Variants in FER1L6 observed in about 807,000 individuals in gnomAD.
FER1L6 encodes the protein fer-1 like family member 6, also known as fer-1-like protein 6.
FER1L6 carries 177 observed loss-of-function variants against 219.2 expected under a neutral mutation model. The ratio of observed to expected loss-of-function variants is 0.81; its 90% CI spans 0.71 to 0.91. The LOEUF (loss-of-function observed/expected upper bound fraction) is 0.91, where lower values mean the gene tolerates loss of function less well. Among genes scored for constraint, FER1L6 ranks in the 40% least tolerant of loss-of-function variants. The pLI is 0.00. For missense variants in FER1L6, 2,153 were observed against 2,259.9 expected, an observed-to-expected ratio of 0.95 and a Z score of 0.96; for synonymous variants, 768 against 824.3, an observed-to-expected ratio of 0.93 and a Z score of 1.17.
At chr8:124,017,482 A>G (rs1001612666) in intron 15 of FER1L6, 146 bp from the exon 16 acceptor site, 3 of 571,128 alleles carry the variant, frequency 5.3e-6, no homozygotes, top group Admixed American at 3.2e-5. Flanking sequence ...GTTAATACAT[A>G]GTTGCTTAAT....
Position 123,945,354 on chromosome 8 carries a change from A to G in FER1L6, c.-7-10638A>G, listed in dbSNP as rs371407859. On this transcript the variant is annotated intron_variant, in intron 1 of 40. Transcript: ENST00000522917. ...AATAATTTATAAAGAACCTGAGCAG[A>G]GCCTGTGCAATGAGGGAGAGAAGGT... Among the ~76,000 whole-genome samples, 39 of 152,312 alleles carry G rather than the reference A, an allele frequency of 2.6e-4. 1 individual carries two copies. In the South Asian group the frequency reaches 7.7e-3, roughly 30 times the overall value.
intron 20 of FER1L6, among the ~76,000 whole-genome samples, chr8:124,044,375 G>A (rs143967838): frequency 6.6e-6 from 1 of 152,292 alleles, no homozygotes; most frequent in East Asian, 1.9e-4. Context: ...AAGTGAAAAA[G>A]CAAGAAGAGA....
intron 1 of FER1L6, among the ~76,000 whole-genome samples, chr8:123,924,238 A>T: frequency 7.3e-6 from 1 of 137,222 alleles, no homozygotes; most frequent in African/African-American, 3.4e-5. Flanking sequence ...AGTATCAAAA[A>T]AAAAAAAAAA....
intron 15 of FER1L6, chr8:124,014,574 G>A (rs1429736280): frequency 1.3e-5 from 2 of 152,594 alleles, no homozygotes; most frequent in African/African-American, 4.8e-5. Context: ...AGGGAGACAT[G>A]GAAAAGGTTA....
rs756941438 is a variant in FER1L6 at position 124,017,662 on chromosome 8, A to G, written c.1957A>G (p.Met653Val). The G allele has an allele frequency of 1.9e-6, 3 of 1,613,828 alleles. No individual in the cohort carries two copies. The highest frequency in any genetic ancestry group is 3.3e-5 in the Admixed American group (2 of 60,010). Residue 653 changes from methionine (M) to valine (V), a missense_variant, in exon 16 of 41, where the codon ATG becomes GTG. By Grantham distance (21) the Met-to-Val change is conservative (BLOSUM62 1). Coordinates refer to ENST00000522917, the MANE Select transcript of FER1L6 (RefSeq NM_001039112.2). The part of the protein sequence containing the change: ...FISEAEKKPK[M>V]LNQTTLDKKR... ...CTCTGAAGCAGAAAAAAAGCCCAAGATGTTGAACCAAACCACTTTAGATAA... is the reference window on the plus strand; with the variant it reads ...CTCTGAAGCAGAAAAAAAGCCCAAGGTGTTGAACCAAACCACTTTAGATAA...
At chr8:124,062,163 G>A in intron 25 of FER1L6, 131 bp downstream of exon 25, 1 of 908,932 alleles carries the variant, frequency 1.1e-6, no homozygotes, top group Non-Finnish European at 1.7e-6. Flanking sequence ...TGATGAGCTT[G>A]CTCCTGCAGG....
In FER1L6 at chr8:124,098,030, T is replaced by C. The variant is rs1743768854; in HGVS notation, c.4883+147T>C. ...TTTTAAGGCCACCTTCTTTGTCTAA[T>C]ATTTGTCTTATTTGGTCATTTTGCT... is the stretch of plus-strand genomic sequence containing the variant. On this transcript the variant is annotated intron_variant, in intron 37 of 40. Transcript: ENST00000522917. 3 of 509,596 alleles carry C rather than the reference T, an allele frequency of 5.9e-6. No homozygotes were observed. The South Asian group carries it at 1.0e-4, about 17-fold the overall frequency. The allele number at this position is 509,596 out of a possible 1,614,324, so 31.6% of individuals were successfully genotyped here. A position where few individuals can be genotyped will look rare whatever the true frequency, so the allele number is the denominator to read the frequency against.
At chr8:123,933,745 G>A (rs1813874826) in intron 1 of FER1L6, among the ~76,000 whole-genome samples, 1 of 152,180 alleles carries the variant, frequency 6.6e-6, no homozygotes, top group Non-Finnish European at 1.5e-5. Flanking sequence ...CCAAGGCACT[G>A]TGGTCATTTC....
intron 25 of FER1L6, 92 bp downstream of exon 25, chr8:124,062,124 C>A: frequency 7.2e-7 from 1 of 1,381,082 alleles, no homozygotes; most frequent in South Asian, 1.3e-5. Context: ...AGAGGATGCC[C>A]CACAGCCAAG....
intron 1 of FER1L6, among the ~76,000 whole-genome samples, chr8:123,933,553 G>C (rs1341711538): frequency 3.3e-5 from 5 of 152,184 alleles, no homozygotes; most frequent in Admixed American, 6.5e-5. Flanking sequence ...GAGTGCATGT[G>C]CACACATGCA....
At chr8:123,900,495 G>A (rs775376466) in intron 1 of FER1L6, among the ~76,000 whole-genome samples, 66 of 152,184 alleles carry the variant, frequency 4.3e-4, no homozygotes, top group African/African-American at 1.6e-3. Context: ...TCTTTCTCTT[G>A]TCTGCTCTGG....
intron 37 of FER1L6, among the ~76,000 whole-genome samples, chr8:124,099,074 T>G (rs190134791): frequency 2.6e-5 from 4 of 152,354 alleles, no homozygotes; most frequent in Non-Finnish European, 5.9e-5. Flanking sequence ...TCTTGATCAC[T>G]TCTTGTCCGT....
chr8:124,064,320 C>A, intron 25 of FER1L6, 27 bp from the exon 26 acceptor site: 1 of 1,596,948 alleles, frequency 6.3e-7, no homozygotes, highest in Non-Finnish European at 8.6e-7. Context: ...CAGCCCAGCT[C>A]CCTGACCTGA....
intron 1 of FER1L6, among the ~76,000 whole-genome samples, chr8:123,925,138 A>T (rs1202912669): frequency 6.6e-6 from 1 of 152,238 alleles, no homozygotes. Flanking sequence ...TGTAATGGAC[A>T]CTGAAAACAG....
intron 26 of FER1L6, 82 bp from the exon 27 acceptor site, chr8:124,066,346 T>C (rs1166056404): frequency 1.7e-5 from 26 of 1,520,748 alleles, no homozygotes; most frequent in Middle Eastern, 2.4e-4. Context: ...ACCTAAATGT[T>C]TTCTTCCTCA....
intron 22 of FER1L6, among the ~76,000 whole-genome samples, chr8:124,052,996 G>C (rs569713490): frequency 4.6e-5 from 7 of 152,318 alleles, no homozygotes; most frequent in Admixed American, 1.3e-4. Context: ...TGGTAAAGGT[G>C]GTCGTGGAAT....
intron 1 of FER1L6, among the ~76,000 whole-genome samples, chr8:123,861,463 G>A (rs1439354098): frequency 1.5e-4 from 22 of 142,078 alleles, no homozygotes; most frequent in African/African-American, 4.8e-4. Flanking sequence ...TTGGCGATGC[G>A]GGCTCTTTTT....
intron 1 of FER1L6, among the ~76,000 whole-genome samples, chr8:123,941,077 A>T (rs1814221458): frequency 6.6e-6 from 1 of 152,232 alleles, no homozygotes; most frequent in Non-Finnish European, 1.5e-5. Context: ...GGAATGAATT[A>T]CACATGTCTA....
intron 3 of FER1L6, among the ~76,000 whole-genome samples, chr8:123,965,559 AATTATG>A (rs1388407001): frequency 6.6e-6 from 1 of 152,224 alleles, no homozygotes. Context: ...ATTTCAAAGC[AATTATG>A]ATTATATCTA....
Sources: gnomAD v4.1 joint callset for allele counts (sites outside exome capture counted in the v4.1 genomes callset) on GRCh38, gnomAD v4.1.1 for gene constraint, MANE v1.5 for transcripts, NCBI Gene and HGNC (gene_info 2026-07-23, HGNC 2026-07-21) for gene names.